The following TMEM135 variants were observed in gnomAD, a reference collection of about 807,000 sequenced individuals.
TMEM135 encodes the protein transmembrane protein 135.
TMEM135 carries 30 observed loss-of-function variants against 60.3 expected under a neutral mutation model. That is an observed-to-expected ratio of 0.50 (90% CI 0.37 to 0.68). The LOEUF (loss-of-function observed/expected upper bound fraction) is 0.68, where lower values mean the gene tolerates loss of function less well. Ranked by LOEUF, TMEM135 falls within the 30% of genes least tolerant of loss-of-function variation. The pLI, the probability that TMEM135 is intolerant of heterozygous loss-of-function variation, is 0.00. For synonymous variants in TMEM135, 190 were observed against 186.7 expected, an observed-to-expected ratio of 1.02 and a Z score of -0.14; for missense variants, 468 against 548.8, an observed-to-expected ratio of 0.85 and a Z score of 1.47.
At chr11:87,316,221 G>T (rs1942725122) in intron 12 of TMEM135, among the ~76,000 whole-genome samples, 2 of 151,796 alleles carry the variant, frequency 1.3e-5, no homozygotes, top group African/African-American at 2.4e-5. Context: ...TCAAAGTTAA[G>T]AGTGTAGATT....
chr11:87,135,053 T>C (rs556111723), intron 4 of TMEM135, among the ~76,000 whole-genome samples: 69 of 152,344 alleles, frequency 4.5e-4, no homozygotes, highest in African/African-American at 1.6e-3. Context: ...GAACTGTCTT[T>C]TCAAAACTAT....
intron 4 of TMEM135, among the ~76,000 whole-genome samples, chr11:87,122,968 G>A (rs940001210): frequency 4.6e-5 from 7 of 152,078 alleles, no homozygotes; most frequent in South Asian, 2.1e-4. Flanking sequence ...GGGTCATATG[G>A]TCCCCTGTGG....
intron 7 of TMEM135, among the ~76,000 whole-genome samples, chr11:87,297,694 A>C (rs1942370483): frequency 6.6e-6 from 1 of 152,194 alleles, no homozygotes; most frequent in Non-Finnish European, 1.5e-5. Flanking sequence ...TTTGCACTTA[A>C]ATTTTCTCTG....
intron 5 of TMEM135, chr11:87,178,341 T>G: frequency 2.2e-6 from 1 of 448,320 alleles, no homozygotes; most frequent in South Asian, 1.6e-5. Context: ...ATATTTTTAT[T>G]ATGCCACAAT....
chr11:87,295,514 C>T (rs374255665), intron 6 of TMEM135, among the ~76,000 whole-genome samples: 12 of 152,098 alleles, frequency 7.9e-5, no homozygotes, highest in African/African-American at 2.9e-4. Context: ...AGATGGAGCC[C>T]TTAGATTTAC....
chr11:87,116,832 T>C (rs908630763), intron 4 of TMEM135, among the ~76,000 whole-genome samples: 4 of 152,032 alleles, frequency 2.6e-5, no homozygotes, highest in Non-Finnish European at 4.4e-5. Flanking sequence ...ATGGTTTGTT[T>C]TTTTTTTTGA....
intron 6 of TMEM135, among the ~76,000 whole-genome samples, chr11:87,249,744 C>T (rs1941372364): frequency 6.6e-6 from 1 of 152,058 alleles, no homozygotes; most frequent in Admixed American, 6.6e-5. Flanking sequence ...ATTTTTGTAT[C>T]AGTGTTCATC....
intron 4 of TMEM135, among the ~76,000 whole-genome samples, chr11:87,152,881 C>A (rs1222152240): frequency 4.6e-5 from 7 of 152,148 alleles, no homozygotes; most frequent in Non-Finnish European, 1.0e-4. Flanking sequence ...ACTCTTTATA[C>A]ACTGATGACA....
chr11:87,232,109 A>T (rs1032314626), intron 5 of TMEM135, among the ~76,000 whole-genome samples: 1 of 151,898 alleles, frequency 6.6e-6, no homozygotes, highest in Non-Finnish European at 1.5e-5. Flanking sequence ...CACCATTATG[A>T]CTGACTAATT....
chr11:87,145,093 T>G (rs1938377591), intron 4 of TMEM135, among the ~76,000 whole-genome samples: 1 of 152,154 alleles, frequency 6.6e-6, no homozygotes, highest in Non-Finnish European at 1.5e-5. Context: ...TTTCTACCCT[T>G]TGATCAAATC....
chr11:87,140,621 T>A (rs930856495), intron 4 of TMEM135, among the ~76,000 whole-genome samples: 1 of 152,198 alleles, frequency 6.6e-6, no homozygotes, highest in Admixed American at 6.5e-5. Flanking sequence ...GGTGTGGGCA[T>A]CTTTGGATGG....
Position 87,266,803 on chromosome 11 carries a change from G to T in TMEM135, c.510-28979G>T, listed in dbSNP as rs145098543. 1.4e-3 allele frequency among the ~76,000 whole-genome samples: 213 copies of T among 152,308 alleles called. 1 individual carries two copies. Among genetic ancestry groups the T allele is most frequent in the African/African-American group, 4.9e-3 (202 of 41,570 alleles). On this transcript the variant is annotated intron_variant, in intron 6 of 14. Coordinates refer to ENST00000305494, the MANE Select transcript of TMEM135 (RefSeq NM_022918.4). ...CTGAAGAGAATTTATGTGGTTTGAC[G>T]TACTTGTTTTGTATAGATCAGACTA...
Position 87,319,305 on chromosome 11 carries a change from C to G in TMEM135, c.1177-5C>G. On this transcript the variant is annotated splice_polypyrimidine_tract_variant and splice_region_variant and intron_variant, in intron 13 of 14. Coordinates refer to ENST00000305494, the MANE Select transcript of TMEM135 (RefSeq NM_022918.4). Reference sequence around the variant, plus strand: ...ACTAAAAGAATTCTCAAATTTAATACTCAGGCTGTCATGGAAGTTCAGACT... The same window carrying G: ...ACTAAAAGAATTCTCAAATTTAATAGTCAGGCTGTCATGGAAGTTCAGACT... 1.2e-6 allele frequency: 2 copies of G among 1,610,342 alleles called. No individual in the cohort carries two copies. Among genetic ancestry groups the G allele is most frequent in the Non-Finnish European group, 1.7e-6 (2 of 1,176,760 alleles).
At chr11:87,237,340 A>C (rs1332197217) in intron 6 of TMEM135, among the ~76,000 whole-genome samples, 2 of 151,818 alleles carry the variant, frequency 1.3e-5, no homozygotes, top group Admixed American at 6.6e-5. Context: ...CTTTATTTTT[A>C]GTGATACCAA....
At chr11:87,101,633 G>A (rs1857457980) in intron 4 of TMEM135, among the ~76,000 whole-genome samples, 1 of 152,152 alleles carries the variant, frequency 6.6e-6, no homozygotes, top group African/African-American at 2.4e-5. Flanking sequence ...AACATGCAGT[G>A]TCTTTTATTA....
At chr11:87,250,619 T>G (rs1941394184) in intron 6 of TMEM135, among the ~76,000 whole-genome samples, 1 of 152,170 alleles carries the variant, frequency 6.6e-6, no homozygotes, top group Non-Finnish European at 1.5e-5. Context: ...TTTTCCGTTC[T>G]GGTCAGAGAA....
intron 4 of TMEM135, among the ~76,000 whole-genome samples, chr11:87,097,946 G>A (rs1353559301): frequency 6.6e-6 from 1 of 151,972 alleles, no homozygotes; most frequent in African/African-American, 2.4e-5. Flanking sequence ...CATCTAACAT[G>A]TATCTTTTTT....
At chr11:87,102,716 A>ATATATATATGTATATATATG (rs1857488368) in intron 4 of TMEM135, among the ~76,000 whole-genome samples, 1 of 78,722 alleles carries the variant, frequency 1.3e-5, no homozygotes, top group Non-Finnish European at 2.3e-5. Context: ...ATATATATGT[A>ATATATATATGTATATATATG]TATATATATA....
At chr11:87,088,166 A>G (rs940824739) in intron 3 of TMEM135, among the ~76,000 whole-genome samples, 2 of 152,132 alleles carry the variant, frequency 1.3e-5, no homozygotes, top group East Asian at 3.9e-4. Context: ...AGAAAGTGAC[A>G]TTCTTTACTC....
Sources: gnomAD v4.1 joint callset for allele counts (sites outside exome capture counted in the v4.1 genomes callset) on GRCh38, gnomAD v4.1.1 for gene constraint, MANE v1.5 for transcripts, NCBI Gene and HGNC (gene_info 2026-07-23, HGNC 2026-07-21) for gene names.